GABRA3: variants seen among roughly 807,000 people sequenced by gnomAD.
The protein encoded by GABRA3 is gamma-aminobutyric acid receptor subunit alpha-3.
A neutral mutation model predicts 30.1 loss-of-function variants in GABRA3; 10 were observed. The observed-to-expected ratio is 0.33, with a 90% CI of 0.20 to 0.56. The LOEUF (loss-of-function observed/expected upper bound fraction) is 0.56. Among genes scored for constraint, GABRA3 ranks in the 20% least tolerant of loss-of-function variants. The pLI is 0.89. For missense variants in GABRA3, 233 were observed against 392.0 expected, an observed-to-expected ratio of 0.59 and a Z score of 3.42; for synonymous variants, 151 against 146.8, an observed-to-expected ratio of 1.03 and a Z score of -0.21.
chrX:152,215,049 T>C (rs979671173), intron 6 of GABRA3, among the ~76,000 whole-genome samples: 12 of 105,150 alleles, frequency 1.1e-4, no homozygotes, highest in African/African-American at 3.6e-4. Flanking sequence ...TATATATATA[T>C]ATATATTTTT....
chrX:152,295,508 A>G (rs902883500), intron 3 of GABRA3, among the ~76,000 whole-genome samples: 2 of 113,129 alleles, frequency 1.8e-5, no homozygotes, highest in Admixed American at 9.3e-5. Flanking sequence ...TGAGCCAGGC[A>G]TGGGATATAA....
At chrX:152,285,923 AT>A (rs1235940269) in intron 3 of GABRA3, among the ~76,000 whole-genome samples, 5 of 106,218 alleles carry the variant, frequency 4.7e-5, no homozygotes, top group Admixed American at 3.1e-4. Context: ...TATAGTACTT[AT>A]ATACTATATA....
At chrX:152,257,621 T>C (rs1469435927) in intron 4 of GABRA3, among the ~76,000 whole-genome samples, 2 of 112,476 alleles carry the variant, frequency 1.8e-5, no homozygotes, top group African/African-American at 6.5e-5. Context: ...GATCATATAA[T>C]TGGTTGCCTA....
At chrX:152,395,624 G>T (rs1422655697) in intron 1 of GABRA3, among the ~76,000 whole-genome samples, 1 of 111,781 alleles carries the variant, frequency 8.9e-6, no homozygotes, top group East Asian at 2.8e-4. Context: ...TCTGATCATG[G>T]TGCACAACTT....
intron 4 of GABRA3, among the ~76,000 whole-genome samples, chrX:152,257,301 G>A (rs1300175469): frequency 2.7e-5 from 3 of 112,097 alleles, no homozygotes; most frequent in Non-Finnish European, 5.6e-5. Context: ...GAGAACCACT[G>A]AGAGGGTGAG....
At chrX:152,392,787 T>C (rs1246155008) in intron 1 of GABRA3, among the ~76,000 whole-genome samples, 1 of 112,395 alleles carries the variant, frequency 8.9e-6, no homozygotes, top group Non-Finnish European at 1.9e-5. Context: ...CACTATTACG[T>C]AGCATTTATG....
chrX:152,387,827 C>A (rs1418195748), intron 1 of GABRA3, among the ~76,000 whole-genome samples: 2 of 111,227 alleles, frequency 1.8e-5, no homozygotes, highest in African/African-American at 6.5e-5. Context: ...TTCCATATAT[C>A]TGCTAGTGTG....
At chrX:152,283,434 TC>T (rs1163687444) in intron 4 of GABRA3, among the ~76,000 whole-genome samples, 1 of 111,579 alleles carries the variant, frequency 9.0e-6, no homozygotes, top group Admixed American at 9.6e-5. Flanking sequence ...TGCCTGGCCT[TC>T]CAAACATTCA....
Position 152,173,883 on chromosome X carries a change from G to A in GABRA3, c.1144-5320C>T, listed in dbSNP as rs761004041. On this transcript the variant is annotated intron_variant, in intron 9 of 9. Transcript: ENST00000370314. The stretch of plus-strand genomic sequence containing the variant: ...TATACATGTGCCATGTTGGTGTGCT[G>A]CACCCATTAACTCGTCATTTAGCAT... Among the ~76,000 whole-genome samples the A allele has an allele frequency of 5.0e-4, 55 of 110,208 alleles. No individual in the cohort carries two copies. The East Asian group carries it at 0.013, about 27-fold the overall frequency.
chrX:152,308,989 T>G (rs755970645), intron 3 of GABRA3, among the ~76,000 whole-genome samples: 2 of 112,510 alleles, frequency 1.8e-5, no homozygotes, highest in South Asian at 7.3e-4. Flanking sequence ...AATTTTGTAA[T>G]ACAGAAGAAA....
At chrX:152,384,887 C>A (rs954490124) in intron 1 of GABRA3, among the ~76,000 whole-genome samples, 6 of 111,353 alleles carry the variant, frequency 5.4e-5, no homozygotes, top group Non-Finnish European at 1.1e-4. Flanking sequence ...AGAATTCCTA[C>A]AACATCATAA....
At chrX:152,250,217 C>A (rs1373053848) in intron 5 of GABRA3, among the ~76,000 whole-genome samples, 1 of 111,064 alleles carries the variant, frequency 9.0e-6, no homozygotes, top group African/African-American at 3.3e-5. Flanking sequence ...ACATTTTGCA[C>A]CTCCATTTCA....
rs1940300984 is a variant in GABRA3 at position 152,340,711 on chromosome X, T to C, written c.262+4870A>G. ...CCTTCTAAAGTTTTTCATCTGCACATAATGTCTTCTTTTACTCTATTTGCT... is the reference window on the plus strand; with the variant it reads ...CCTTCTAAAGTTTTTCATCTGCACACAATGTCTTCTTTTACTCTATTTGCT... On this transcript the variant is annotated intron_variant, in intron 3 of 9. Transcript: ENST00000370314. Among the ~76,000 whole-genome samples, 3 of 112,001 alleles carry C rather than the reference T, an allele frequency of 2.7e-5. No homozygotes were observed. The South Asian group carries it at 1.1e-3, about 41-fold the overall frequency.
rs1295122485 is a variant in GABRA3, at chrX:152,213,623, T to G, written c.635-5479A>C. Among the ~76,000 whole-genome samples, 3 of 111,871 alleles carry G rather than the reference T, an allele frequency of 2.7e-5. No homozygotes were observed. In the Admixed American group the frequency reaches 2.8e-4, roughly 11 times the overall value. On this transcript the variant is annotated intron_variant, in intron 6 of 9. Coordinates refer to ENST00000370314, the MANE Select transcript of GABRA3 (RefSeq NM_000808.4). ...CCCCAAAACCAGCAAATGCAAAGTC[T>G]TCTACGTGGTAAAGAGTTCTAGGAA...
intron 5 of GABRA3, among the ~76,000 whole-genome samples, chrX:152,248,564 C>G (rs1938499168): frequency 8.9e-6 from 1 of 111,738 alleles, no homozygotes; most frequent in South Asian, 3.7e-4. Context: ...ATGGGGAACA[C>G]CTGCTTTGAA....
At chrX:152,182,542 G>A (rs1161479094) in intron 9 of GABRA3, among the ~76,000 whole-genome samples, 1 of 77,225 alleles carries the variant, frequency 1.3e-5, no homozygotes, top group Non-Finnish European at 2.4e-5. Context: ...TGCATATATA[G>A]TGTATATATA....
chrX:152,378,310 G>A (rs1407497740), intron 1 of GABRA3, among the ~76,000 whole-genome samples: 1 of 111,522 alleles, frequency 9.0e-6, no homozygotes, highest in Admixed American at 9.6e-5. Context: ...AATTTATCAG[G>A]TGCATATTAT....
At chrX:152,241,868 C>A (rs1337749140) in intron 5 of GABRA3, among the ~76,000 whole-genome samples, 7 of 111,815 alleles carry the variant, frequency 6.3e-5, no homozygotes, top group Non-Finnish European at 1.3e-4. Flanking sequence ...TGGGCTCGCA[C>A]ACGGTGCGCG....
At chrX:152,433,011 T>C (rs750911580) in intron 1 of GABRA3, among the ~76,000 whole-genome samples, 73 of 110,916 alleles carry the variant, frequency 6.6e-4, no homozygotes, top group African/African-American at 2.3e-3. Flanking sequence ...TTTTTTAAAA[T>C]AGATTAACAT....
Sources: allele counts gnomAD v4.1 joint callset (sites outside exome capture counted in the v4.1 genomes callset), GRCh38; gene constraint gnomAD v4.1.1; transcripts MANE v1.5; gene names NCBI Gene and HGNC (gene_info 2026-07-23, HGNC 2026-07-21).